Variants in SCUBE3 observed in about 807,000 individuals in gnomAD.
SCUBE3 encodes signal peptide, CUB domain and EGF like domain containing 3.
In SCUBE3, 33 loss-of-function variants were observed where a neutral mutation model predicts 116.8. The ratio of observed to expected loss-of-function variants is 0.28; its 90% confidence interval spans 0.21 to 0.38. The LOEUF is 0.38. Ranked by LOEUF, SCUBE3 falls within the 10% of genes least tolerant of loss-of-function variation. SCUBE3 has a pLI of 1.00. For synonymous variants in SCUBE3, 418 were observed against 496.9 expected (o/e 0.84, Z 2.11); for missense variants, 1,007 against 1,324.8 (o/e 0.76, Z 3.72).
rs1783422605 is a variant in SCUBE3, at chr6:35,228,828, A to T, written c.334+89A>T. ...TTCCTATTTCCCAGGGAAGGAGGAG[A>T]GAGTGATCAAGAAGAGCTACATTCA... On this transcript the variant is annotated intron_variant, in intron 3 of 21. Transcript: ENST00000274938. The surrounding 1 kb of genome is among the most constrained non-coding windows in gnomAD (Gnocchi z 4.9). 3.7e-6 allele frequency: 5 copies of T among 1,364,012 alleles called. No individual in the cohort carries two copies. In the Admixed American group the frequency reaches 5.1e-5, roughly 14 times the overall value. 84.5% of individuals were successfully genotyped at this position (1,364,012 alleles called of 1,614,324 possible).
intron 1 of SCUBE3, among the ~76,000 whole-genome samples, chr6:35,224,920 T>C (rs1049409451): frequency 1.3e-5 from 2 of 152,190 alleles, no homozygotes; most frequent in African/African-American, 4.8e-5. Context: ...GGTGTGCTAA[T>C]AGCAGTGCTA....
At chr6:35,230,529 G>C (rs1581921988) in intron 3 of SCUBE3, among the ~76,000 whole-genome samples, 1 of 152,292 alleles carries the variant, frequency 6.6e-6, no homozygotes, top group East Asian at 1.9e-4. Context: ...GGCTAGAGTA[G>C]CAAAGCCACA....
At position 35,233,477 on chromosome 6, in the gene SCUBE3, T is replaced by C. The variant is rs557153388; in HGVS notation, c.712+176T>C. ...AGTAAGGGACAACTCAAAGAGAGAC[T>C]GAAGGGCTCCCCAGCCCTCTTCCCC... On this transcript the variant is annotated intron_variant, in intron 6 of 21. Coordinates refer to ENST00000274938, the MANE Select transcript of SCUBE3 (RefSeq NM_152753.4). The surrounding 1 kb of genome is among the most constrained non-coding windows in gnomAD (Gnocchi z 5.7). Among the ~76,000 whole-genome samples the C allele has an allele frequency of 4.6e-5, 7 of 152,272 alleles. No individual in the cohort carries two copies. The South Asian group carries it at 6.2e-4, about 14-fold the overall frequency.
intron 3 of SCUBE3, among the ~76,000 whole-genome samples, chr6:35,230,782 T>C (rs1293741139): frequency 6.6e-6 from 1 of 152,078 alleles, no homozygotes; most frequent in African/African-American, 2.4e-5. Context: ...GCAGAGAGGA[T>C]GGGAAGAGAG....
In SCUBE3 at chr6:35,214,916, A is replaced by G. The variant is rs988025770; in HGVS notation, c.85+413A>G. On this transcript the variant is annotated intron_variant, in intron 1 of 21. Transcript: ENST00000274938. This position sits in a 1 kb window ranked among gnomAD's most constrained non-coding sequence, Gnocchi z 6.3. Reference sequence around the variant, plus strand: ...AATGAAAACTTTTCAGCCGTGCCGTATATTTCTTTCCCTTACCCCCAACCC... The same window carrying G: ...AATGAAAACTTTTCAGCCGTGCCGTGTATTTCTTTCCCTTACCCCCAACCC... 3.3e-5 allele frequency among the ~76,000 whole-genome samples: 5 copies of G among 152,222 alleles called. No homozygotes were observed. Among genetic ancestry groups the G allele is most frequent in the East Asian group, 1.9e-4 (1 of 5,202 alleles).
In SCUBE3 at chr6:35,252,571, A is replaced by G. The variant is rs1331350842; in HGVS notation, c.*3866A>G. The G allele has an allele frequency of 6.6e-6, 1 of 152,250 alleles. No individual in the cohort carries two copies. Among genetic ancestry groups the G allele is most frequent in the African/African-American group, 2.4e-5 (1 of 41,476 alleles). 9.4% of individuals were successfully genotyped at this position (152,250 alleles called of 1,614,324 possible). On this transcript the variant is annotated 3_prime_UTR_variant, in exon 22 of 22. Transcript: ENST00000274938. ...GTACCAAGACAAAGTATAACTGAGC[A>G]TAAGCAGAAAATGTTAACCCTCCAG... is the stretch of plus-strand genomic sequence containing the variant.
intron 1 of SCUBE3, among the ~76,000 whole-genome samples, chr6:35,216,043 T>C (rs1782878473): frequency 6.6e-6 from 1 of 152,226 alleles, no homozygotes; most frequent in Middle Eastern, 3.2e-3. Flanking sequence ...TATCATGAAG[T>C]AACCTAGAGA....
chr6:35,219,165 TCTTA>T lies in SCUBE3; in HGVS notation c.85+4665_85+4668del, dbSNP rs1783034742. Among the ~76,000 whole-genome samples, 1 of 152,206 alleles carries T rather than the reference TCTTA, an allele frequency of 6.6e-6. No homozygotes were observed. The highest frequency in any genetic ancestry group is 1.9e-4 in the East Asian group (1 of 5,196). ...CCTGGAACCCCAAGTAGCTGATAGTTCTTACTGTGTCCATGAAGTGGGTATTTAT... is the reference window on the plus strand; with the variant it reads ...CCTGGAACCCCAAGTAGCTGATAGTTCTGTGTCCATGAAGTGGGTATTTAT... On this transcript the variant is annotated intron_variant, in intron 1 of 21. Transcript: ENST00000274938. This position sits in a 1 kb window ranked among gnomAD's most constrained non-coding sequence, Gnocchi z 4.7.
chr6:35,217,290 C>T, intron 1 of SCUBE3, among the ~76,000 whole-genome samples: 1 of 115,022 alleles, frequency 8.7e-6, no homozygotes, highest in South Asian at 3.4e-4. Flanking sequence ...TTAAAAAGAC[C>T]TAATCCTCGC....
intron 1 of SCUBE3, chr6:35,222,572 T>G (rs994720896): frequency 3.3e-5 from 5 of 152,270 alleles, no homozygotes; most frequent in Non-Finnish European, 5.9e-5. Flanking sequence ...ATGGTATCTG[T>G]GCAGCCACCA....
In SCUBE3 at chr6:35,249,610, C is replaced by T. The variant is rs1784482870; in HGVS notation, c.*905C>T. The T allele has an allele frequency of 6.6e-6, 1 of 152,584 alleles. No individual in the cohort carries two copies. The highest frequency in any genetic ancestry group is 1.5e-5 in the Non-Finnish European group (1 of 68,236). 9.5% of individuals were successfully genotyped at this position (152,584 alleles called of 1,614,324 possible). On this transcript the variant is annotated 3_prime_UTR_variant, in exon 22 of 22. Coordinates refer to ENST00000274938, the MANE Select transcript of SCUBE3 (RefSeq NM_152753.4). The stretch of plus-strand genomic sequence containing the variant: ...GTCTTCCCTGGCCCAGCCACCTCCT[C>T]AGCCCCATGTGATGCTCCCTGGGGG...
rs527705933 is a variant in SCUBE3, at chr6:35,244,445, T to C, written c.2240-205T>C. Among the ~76,000 whole-genome samples the C allele has an allele frequency of 1.3e-5, 2 of 152,302 alleles. No homozygotes were observed. Among genetic ancestry groups the C allele is most frequent in the South Asian group, 2.1e-4 (1 of 4,824 alleles). On this transcript the variant is annotated intron_variant, in intron 17 of 21. Coordinates refer to ENST00000274938, the MANE Select transcript of SCUBE3 (RefSeq NM_152753.4). The surrounding 1 kb of genome is among the most constrained non-coding windows in gnomAD (Gnocchi z 4.3). The stretch of plus-strand genomic sequence containing the variant: ...GTGCTCAGCGTCTGAAAGAAAAGGA[T>C]TGGCACTGTAGCCAACCACTCTGTA...
chr6:35,222,658 T>C (rs1195965799), intron 1 of SCUBE3: 1 of 152,188 alleles, frequency 6.6e-6, no homozygotes, highest in Non-Finnish European at 1.5e-5. Context: ...TCAAAAAGAA[T>C]TGTAGAGGAC....
In SCUBE3 at chr6:35,245,853, A is replaced by G. The variant is rs1471439280; in HGVS notation, c.2600-91A>G. 7.4e-7 allele frequency: 1 copy of G among 1,348,850 alleles called. No individual in the cohort carries two copies. The highest frequency in any genetic ancestry group is 1.0e-6 in the Non-Finnish European group (1 of 963,916). 83.6% of individuals were successfully genotyped at this position (1,348,850 alleles called of 1,614,324 possible). A position where few individuals can be genotyped will look rare whatever the true frequency, so the allele number is the denominator to read the frequency against. ...TTTGTCAGAATGATTCTCTTGCCCT[A>G]TACCCCCACCACCAGCTGTACAGCC... is the stretch of plus-strand genomic sequence containing the variant. On this transcript the variant is annotated intron_variant, in intron 19 of 21. Coordinates refer to ENST00000274938, the MANE Select transcript of SCUBE3 (RefSeq NM_152753.4). The surrounding 1 kb of genome is among the most constrained non-coding windows in gnomAD (Gnocchi z 4.2).
At chr6:35,246,135 G>C (rs1784328006) in intron 20 of SCUBE3, 39 bp downstream of exon 20, 4 of 1,613,396 alleles carry the variant, frequency 2.5e-6, no homozygotes, top group Admixed American at 3.3e-5. Flanking sequence ...AGGTATGTCA[G>C]TTTTGAGAGG....
chr6:35,246,219 G>A lies in SCUBE3; in HGVS notation c.2766G>A (p.Gln922=). 6.2e-7 allele frequency: 1 copy of A among 1,614,160 alleles called. No individual in the cohort carries two copies. The highest frequency in any genetic ancestry group is 8.5e-7 in the Non-Finnish European group (1 of 1,179,982). The change falls in exon 21 of 22, where the codon CAG becomes CAA. Residue 922 remains glutamine (Q), a synonymous_variant. Transcript: ENST00000274938. ...PYVTYDEDYE[Q]LVEDIVRDGR... Reference sequence around the variant, plus strand: ...TTGACTTTGCAGAGGACTATGAGCAGCTGGTAGAAGACATTGTGCGAGATG... The same window carrying A: ...TTGACTTTGCAGAGGACTATGAGCAACTGGTAGAAGACATTGTGCGAGATG...
In SCUBE3 at chr6:35,241,322, G is replaced by C; in HGVS notation, c.1195+56G>C. 1.3e-6 allele frequency: 2 copies of C among 1,548,994 alleles called. No homozygotes were observed. The highest frequency in any genetic ancestry group is 1.8e-6 in the Non-Finnish European group (2 of 1,138,096). On this transcript the variant is annotated intron_variant, in intron 10 of 21. Coordinates refer to ENST00000274938, the MANE Select transcript of SCUBE3 (RefSeq NM_152753.4). This position sits in a 1 kb window ranked among gnomAD's most constrained non-coding sequence, Gnocchi z 4.1. ...ACACTGCCATTTCAGGGAGCAGTTG[G>C]GGTTCTGGAAAGCATAGAGTATCAC...
rs961842517 is a variant in SCUBE3, at chr6:35,235,210, C to G, written c.712+1909C>G. 2.6e-5 allele frequency among the ~76,000 whole-genome samples: 4 copies of G among 152,134 alleles called. No individual in the cohort carries two copies. The highest frequency in any genetic ancestry group is 9.7e-5 in the African/African-American group (4 of 41,430). ...GGTACTGGGCACATGGTTGGTTGCC[C>G]TTTCTGAGACTGTTTCAGTTTTTCA... is the stretch of plus-strand genomic sequence containing the variant. On this transcript the variant is annotated intron_variant, in intron 6 of 21. Coordinates refer to ENST00000274938, the MANE Select transcript of SCUBE3 (RefSeq NM_152753.4). This position sits in a 1 kb window ranked among gnomAD's most constrained non-coding sequence, Gnocchi z 4.5.
chr6:35,240,522 C>CT lies in SCUBE3; in HGVS notation c.1069+33dup. ...TAGTAAGCTTGCACCCCCAGCCACC[C>CT]TGGCCCCCTCACCTCTTCACCCTCC... On this transcript the variant is annotated intron_variant, in intron 9 of 21. Coordinates refer to ENST00000274938, the MANE Select transcript of SCUBE3 (RefSeq NM_152753.4). The surrounding 1 kb of genome is among the most constrained non-coding windows in gnomAD (Gnocchi z 4.6). 8.5e-7 allele frequency: 1 copy of CT among 1,172,080 alleles called. No homozygotes were observed. The highest frequency in any genetic ancestry group is 1.3e-6 in the Non-Finnish European group (1 of 797,752). The allele number at this position is 1,172,080 out of a possible 1,614,324, so 72.6% of individuals were successfully genotyped here. A position where few individuals can be genotyped will look rare whatever the true frequency, so the allele number is the denominator to read the frequency against.
Sources: gnomAD v4.1 joint callset for allele counts (sites outside exome capture counted in the v4.1 genomes callset) on GRCh38, gnomAD v4.1.1 for gene constraint, Gnocchi (gnomAD v3.1) non-coding constraint, MANE v1.5 for transcripts, NCBI Gene and HGNC (gene_info 2026-07-23, HGNC 2026-07-21) for gene names.